VWA8: variants seen among roughly 807,000 people sequenced by gnomAD.
The protein encoded by VWA8 is von Willebrand factor A domain-containing protein 8.
In VWA8, 221 loss-of-function variants were observed where a neutral mutation model predicts 241.5. That is an observed-to-expected ratio of 0.91 (90% CI 0.82 to 1.02). The LOEUF (loss-of-function observed/expected upper bound fraction) is 1.02, where lower values mean the gene tolerates loss of function less well. VWA8 is among the 50% of genes least tolerant of loss of function. The pLI is 0.00. For missense variants in VWA8, 2,322 were observed against 2,328.7 expected, an observed-to-expected ratio of 1.00 and a Z score of 0.06; for synonymous variants, 852 against 827.1, an observed-to-expected ratio of 1.03 and a Z score of -0.52.
chr13:41,710,631 A>C (rs2045310186), intron 26 of VWA8, among the ~76,000 whole-genome samples: 1 of 152,008 alleles, frequency 6.6e-6, no homozygotes, highest in Non-Finnish European at 1.5e-5. Context: ...TCAGAGTGGA[A>C]TTGTACACCT....
In VWA8 at chr13:41,685,235, C is replaced by T; in HGVS notation, c.4139G>A (p.Ser1380Asn). 6.2e-7 allele frequency: 1 copy of T among 1,609,566 alleles called. No individual in the cohort carries two copies. The highest frequency in any genetic ancestry group is 8.5e-7 in the Non-Finnish European group (1 of 1,178,576). ...VVGFPDLMSPSEVYSWKRPSS... is the reference protein window; with the variant it reads ...VVGFPDLMSPNEVYSWKRPSS... Reference sequence around the variant, plus strand: ...TGGTCTCTTCCAAGAATAAACTTCACTGGGTGACTGAAAAAAAGAAAGAGA... The same window carrying T: ...TGGTCTCTTCCAAGAATAAACTTCATTGGGTGACTGAAAAAAAGAAAGAGA... The change falls in exon 35 of 45, where the codon AGT becomes AAT. Residue 1380 changes from serine to asparagine, a missense_variant. Transcript: ENST00000379310.
intron 36 of VWA8, among the ~76,000 whole-genome samples, chr13:41,674,139 T>C (rs764726608): frequency 9.2e-5 from 14 of 152,244 alleles, no homozygotes; most frequent in Non-Finnish European, 1.5e-4. Context: ...GAAGTATATT[T>C]ATTTCTTTGA....
rs369805086 is a variant in VWA8 at position 41,685,132 on chromosome 13, G to A, written c.4242C>T (p.Ser1414=). 77 of 1,613,396 alleles carry A rather than the reference G, an allele frequency of 4.8e-5. No individual in the cohort carries two copies. Among genetic ancestry groups the A allele is most frequent in the East Asian group, 4.7e-4 (21 of 44,866 alleles). The change falls in exon 35 of 45, where the codon AGC becomes AGT. Residue 1414 remains serine (S), a synonymous_variant. Coordinates refer to ENST00000379310, the MANE Select transcript of VWA8 (RefSeq NM_015058.2). ...TCGTATCTAAAAGAGTCACACAATT[G>A]CTTTGTTTTGGAGTCCCCCTTTTCT... ...GKKKRGTPKQ[S]NCVTLLDTNQ...
chr13:41,904,694 A>G (rs1566501114), intron 4 of VWA8, among the ~76,000 whole-genome samples: 2 of 152,298 alleles, frequency 1.3e-5, no homozygotes, highest in African/African-American at 2.4e-5. Flanking sequence ...ACTGTTTAGT[A>G]GCCTAAATCT....
intron 37 of VWA8, among the ~76,000 whole-genome samples, chr13:41,633,516 G>A (rs1432776393): frequency 6.6e-6 from 1 of 152,214 alleles, no homozygotes; most frequent in East Asian, 1.9e-4. Context: ...GGGCAAGTTA[G>A]AAAGAAAGCA....
intron 35 of VWA8, 28 bp from the exon 36 acceptor site, chr13:41,675,324 G>T (rs750610039): frequency 6.5e-7 from 1 of 1,542,858 alleles, no homozygotes; most frequent in Admixed American, 1.7e-5. Flanking sequence ...CATGAGCCAA[G>T]TATTAAATTA....
intron 17 of VWA8, among the ~76,000 whole-genome samples, chr13:41,792,114 T>C (rs1361951584): frequency 1.3e-5 from 2 of 151,960 alleles, no homozygotes; most frequent in Non-Finnish European, 2.9e-5. Flanking sequence ...TGTTTTCAAA[T>C]GTTTATTGGT....
At position 41,933,376 on chromosome 13, in the gene VWA8, A is replaced by G. The variant is rs971051831; in HGVS notation, c.241+16560T>C. ...GAAGTTTCAATAATATTAAGATAGC[A>G]ATTATCTCCAAAATGATCTACAGAT... On this transcript the variant is annotated intron_variant, in intron 2 of 44. Coordinates refer to ENST00000379310, the MANE Select transcript of VWA8 (RefSeq NM_015058.2). 3.9e-5 allele frequency among the ~76,000 whole-genome samples: 6 copies of G among 152,066 alleles called. No individual in the cohort carries two copies. The South Asian group carries it at 6.2e-4, about 16-fold the overall frequency.
At chr13:41,585,126 G>C (rs961690016) in intron 42 of VWA8, among the ~76,000 whole-genome samples, 1 of 151,808 alleles carries the variant, frequency 6.6e-6, no homozygotes, top group Admixed American at 6.6e-5. Context: ...TCATTTCCTT[G>C]ATATTGTTCC....
In VWA8 at chr13:41,620,960, G is replaced by C. The variant is rs2044653330; in HGVS notation, c.4612-5876C>G. ...CACCCAGCTTTGATGTGCTGTGACTGATTCAATGATTTCAAATCTGGTAAA... is the reference window on the plus strand; with the variant it reads ...CACCCAGCTTTGATGTGCTGTGACTCATTCAATGATTTCAAATCTGGTAAA... On this transcript the variant is annotated intron_variant, in intron 37 of 44. Coordinates refer to ENST00000379310, the MANE Select transcript of VWA8 (RefSeq NM_015058.2). Among the ~76,000 whole-genome samples the C allele has an allele frequency of 2.0e-5, 3 of 152,096 alleles. No homozygotes were observed. In the South Asian group the frequency reaches 6.2e-4, roughly 32 times the overall value.
chr13:41,745,286 C>T (rs112104484), intron 21 of VWA8, among the ~76,000 whole-genome samples: 2 of 152,092 alleles, frequency 1.3e-5, no homozygotes, highest in East Asian at 1.9e-4. Flanking sequence ...CTATCCCTCC[C>T]GCATCCCCCC....
chr13:41,801,156 A>ATTTG (rs1566462791), intron 17 of VWA8, among the ~76,000 whole-genome samples: 2 of 151,548 alleles, frequency 1.3e-5, no homozygotes, highest in Non-Finnish European at 2.9e-5. Flanking sequence ...ATTTTTATTT[A>ATTTG]TTTTTTTAAT....
rs374717032 is a variant in VWA8 at position 41,942,652 on chromosome 13, A to G, written c.241+7284T>C. The stretch of plus-strand genomic sequence containing the variant: ...TCCTTACAAGTACACAGGGATGTAC[A>G]CTACAGACCAAATACAGGGCAGGAG... On this transcript the variant is annotated intron_variant, in intron 2 of 44. Coordinates refer to ENST00000379310, the MANE Select transcript of VWA8 (RefSeq NM_015058.2). Among the ~76,000 whole-genome samples the G allele has an allele frequency of 2.6e-5, 4 of 152,146 alleles. No homozygotes were observed. In the East Asian group the frequency reaches 7.7e-4, roughly 29 times the overall value.
intron 26 of VWA8, among the ~76,000 whole-genome samples, chr13:41,712,713 T>C (rs1371397693): frequency 6.6e-6 from 1 of 152,246 alleles, no homozygotes; most frequent in African/African-American, 2.4e-5. Flanking sequence ...TATCACTTAT[T>C]GGTTGTAGAA....
intron 37 of VWA8, among the ~76,000 whole-genome samples, chr13:41,620,647 G>A (rs1047808190): frequency 6.6e-6 from 1 of 152,010 alleles, no homozygotes; most frequent in Non-Finnish European, 1.5e-5. Context: ...TTAAATGAAA[G>A]ACACAATTTT....
intron 20 of VWA8, among the ~76,000 whole-genome samples, chr13:41,771,576 T>A (rs182150822): frequency 2.0e-5 from 3 of 152,222 alleles, no homozygotes; most frequent in Admixed American, 2.0e-4. Context: ...GGGACTTTTT[T>A]TTATTATTAT....
intron 32 of VWA8, among the ~76,000 whole-genome samples, chr13:41,691,036 C>T (rs1440626358): frequency 6.6e-6 from 1 of 152,052 alleles, no homozygotes; most frequent in Admixed American, 6.6e-5. Flanking sequence ...AGCAAGAATA[C>T]AGTGAATTCT....
chr13:41,590,356 A>G (rs9566802), intron 41 of VWA8, among the ~76,000 whole-genome samples: 73,912 of 151,580 alleles, frequency 0.49, 18,988 homozygotes, highest in South Asian at 0.68. Context: ...ATTTTCCTAA[A>G]CCCCACCCTT....
At chr13:41,794,441 T>C (rs986425687) in intron 17 of VWA8, among the ~76,000 whole-genome samples, 2 of 152,202 alleles carry the variant, frequency 1.3e-5, no homozygotes, top group South Asian at 4.1e-4. Context: ...TGCATGCCTG[T>C]TGTTGGTGTA....
Sources: gnomAD v4.1 joint callset for allele counts (sites outside exome capture counted in the v4.1 genomes callset) on GRCh38, gnomAD v4.1.1 for gene constraint, MANE v1.5 for transcripts, NCBI Gene and HGNC (gene_info 2026-07-23, HGNC 2026-07-21) for gene names.